SFMBT2: variants seen among roughly 807,000 people sequenced by gnomAD.
SFMBT2 encodes Scm like with four mbt domains 2, also known as scm-like with four MBT domains protein 2.
Under a neutral mutation model 110.1 loss-of-function variants are expected in SFMBT2, and 38 were observed. That is an observed-to-expected ratio of 0.35 (90% CI 0.27 to 0.45). The LOEUF (loss-of-function observed/expected upper bound fraction) is 0.45. Among genes scored for constraint, SFMBT2 ranks in the 20% least tolerant of loss-of-function variants. SFMBT2 has a pLI of 1.00. For synonymous variants in SFMBT2, 425 were observed against 425.4 expected, an observed-to-expected ratio of 1.00 and a Z score of 0.01; for missense variants, 1,011 against 1,094.9, an observed-to-expected ratio of 0.92 and a Z score of 1.08.
intron 4 of SFMBT2, among the ~76,000 whole-genome samples, chr10:7,345,236 T>C (rs990528869): frequency 6.6e-6 from 1 of 152,170 alleles, no homozygotes; most frequent in Non-Finnish European, 1.5e-5. Context: ...TCCCAGACCT[T>C]GTAGCTTCAA....
chr10:7,198,209 T>G, intron 14 of SFMBT2: 4 of 928,848 alleles, frequency 4.3e-6, no homozygotes, highest in Non-Finnish European at 5.1e-6. Context: ...CTGAGATATA[T>G]CCAAGTTGGT....
intron 4 of SFMBT2, among the ~76,000 whole-genome samples, chr10:7,351,834 G>A (rs534081907): frequency 6.6e-6 from 1 of 151,296 alleles, no homozygotes; most frequent in East Asian, 1.9e-4. Context: ...CCACTCATAC[G>A]GCCCTTTGTC....
chr10:7,304,335 C>T (rs1842634990), intron 4 of SFMBT2, among the ~76,000 whole-genome samples: 1 of 152,186 alleles, frequency 6.6e-6, no homozygotes, highest in Non-Finnish European at 1.5e-5. Flanking sequence ...TACCTTTGTT[C>T]CCCTTTGACT....
Position 7,249,031 on chromosome 10 carries a change from C to T in SFMBT2, c.871-382G>A, listed in dbSNP as rs1840714032. 42 of 859,734 alleles carry T rather than the reference C, an allele frequency of 4.9e-5. No individual in the cohort carries two copies. In the South Asian group the frequency reaches 1.8e-3, roughly 37 times the overall value. The allele number at this position is 859,734 out of a possible 1,614,324, so 53.3% of individuals were successfully genotyped here. A position where few individuals can be genotyped will look rare whatever the true frequency, so the allele number is the denominator to read the frequency against. Reference sequence around the variant, plus strand: ...AGGTCTCTTGCTACTGGAGTCACATCTCAGGGCTTCAGTCAGCACCTTGTA... The same window carrying T: ...AGGTCTCTTGCTACTGGAGTCACATTTCAGGGCTTCAGTCAGCACCTTGTA... On this transcript the variant is annotated intron_variant, in intron 7 of 20. Transcript: ENST00000397167.
intron 4 of SFMBT2, among the ~76,000 whole-genome samples, chr10:7,288,007 T>C (rs540192868): frequency 6.6e-6 from 1 of 152,360 alleles, no homozygotes; most frequent in African/African-American, 2.4e-5. Flanking sequence ...CACCAACCAA[T>C]TAATATTAGC....
chr10:7,177,432 C>T (rs1014403841), intron 16 of SFMBT2, among the ~76,000 whole-genome samples: 1 of 152,142 alleles, frequency 6.6e-6, no homozygotes, highest in African/African-American at 2.4e-5. Context: ...TGGATTGAAC[C>T]ATGTCCCTCC....
intron 4 of SFMBT2, among the ~76,000 whole-genome samples, chr10:7,356,078 G>A (rs541618933): frequency 6.6e-6 from 1 of 152,184 alleles, no homozygotes; most frequent in Non-Finnish European, 1.5e-5. Context: ...AAGAGATGCA[G>A]AGAATTTCTC....
intron 20 of SFMBT2, among the ~76,000 whole-genome samples, chr10:7,168,053 A>T (rs914190264): frequency 2.9e-5 from 4 of 140,214 alleles, no homozygotes; most frequent in Admixed American, 7.4e-5. Flanking sequence ...GGGTTACAAG[A>T]GTAAAACTCC....
In SFMBT2 at chr10:7,370,829, G is replaced by C. The variant is rs562770534; in HGVS notation, c.101-454C>G. ...GTTATAAAGATAAAGCACTGACTCT[G>C]GCATCATTTTAAGGGGAAAAAGAGA... On this transcript the variant is annotated intron_variant, in intron 2 of 20. Transcript: ENST00000397167. The C allele has an allele frequency of 5.1e-6, 5 of 979,720 alleles. No individual in the cohort carries two copies. The African/African-American group carries it at 8.7e-5, about 17-fold the overall frequency. 60.7% of individuals were successfully genotyped at this position (979,720 alleles called of 1,614,324 possible).
At chr10:7,351,878 A>AT (rs200021511) in intron 4 of SFMBT2, among the ~76,000 whole-genome samples, 5,818 of 149,184 alleles carry the variant, frequency 0.039, 368 homozygotes, top group African/African-American at 0.14. Context: ...TGTAAAAAAA[A>AT]AAATATATAT....
intron 1 of SFMBT2, among the ~76,000 whole-genome samples, chr10:7,384,211 CAAAAAAAAAAAAAAAAAA>C (rs59239303): frequency 7.1e-5 from 2 of 27,976 alleles, no homozygotes; most frequent in African/African-American, 1.8e-4. Flanking sequence ...AACTCCATCT[CAAAAAAAAAAAAAAAAAA>C]AAAAAAAAAC....
At chr10:7,245,984 T>A (rs763816561) in intron 8 of SFMBT2, among the ~76,000 whole-genome samples, 1 of 152,206 alleles carries the variant, frequency 6.6e-6, no homozygotes, top group Non-Finnish European at 1.5e-5. Context: ...TTTAAAGAAA[T>A]ACATTTAATT....
intron 10 of SFMBT2, among the ~76,000 whole-genome samples, chr10:7,225,502 C>T (rs1839873832): frequency 6.6e-6 from 1 of 152,212 alleles, no homozygotes; most frequent in Non-Finnish European, 1.5e-5. Context: ...ACAATCCTAT[C>T]TATTACATAA....
chr10:7,202,876 C>T, intron 12 of SFMBT2: 1 of 985,362 alleles, frequency 1.0e-6, no homozygotes, highest in Non-Finnish European at 1.2e-6. Flanking sequence ...TGATTTTTTT[C>T]CAATAAAAAT....
At chr10:7,312,081 G>GT (rs1842872863) in intron 4 of SFMBT2, among the ~76,000 whole-genome samples, 1 of 152,128 alleles carries the variant, frequency 6.6e-6, no homozygotes, top group African/African-American at 2.4e-5. Context: ...CTGTCGTGGA[G>GT]TGGGGGGAGG....
At chr10:7,296,523 T>G (rs1026406498) in intron 4 of SFMBT2, among the ~76,000 whole-genome samples, 1 of 152,222 alleles carries the variant, frequency 6.6e-6, no homozygotes, top group African/African-American at 2.4e-5. Context: ...GCAAAAGAAC[T>G]TCCATTCAAA....
At chr10:7,188,934 G>A (rs1838509825) in intron 15 of SFMBT2, among the ~76,000 whole-genome samples, 1 of 152,160 alleles carries the variant, frequency 6.6e-6, no homozygotes, top group Non-Finnish European at 1.5e-5. Flanking sequence ...CAAAAAGCGT[G>A]GTAAAATACA....
Position 7,197,539 on chromosome 10 carries a change from G to C in SFMBT2, c.1698+9C>G. On this transcript the variant is annotated intron_variant, in intron 15 of 20. Transcript: ENST00000397167. ...AAAATAAGCCAAGGTGATTGTGCAC[G>C]GGCTTTACCTCTTTAAGAACCAGCA... The C allele has an allele frequency of 6.2e-7, 1 of 1,612,578 alleles. No individual in the cohort carries two copies. Among genetic ancestry groups the C allele is most frequent in the East Asian group, 2.2e-5 (1 of 44,850 alleles).
In SFMBT2 at chr10:7,227,870, G is replaced by A. The variant is rs752442914; in HGVS notation, c.1188C>T (p.Pro396=). ...HKQHGAQEAP[P]FCFRNTSFSR... is the part of the protein sequence containing the mutation. ...AGCTTCTTACATTTCGGAAGCAGAA[G>A]GGAGGGGCTTCCTGCGCCCCATGCT... Residue 396 remains proline (P), a synonymous_variant, in exon 10 of 21, where the codon CCC becomes CCT. Transcript: ENST00000397167. 2 of 1,609,502 alleles carry A rather than the reference G, an allele frequency of 1.2e-6. No homozygotes were observed. Among genetic ancestry groups the A allele is most frequent in the East Asian group, 4.5e-5 (2 of 44,738 alleles).
Sources: gnomAD v4.1 joint callset for allele counts (sites outside exome capture counted in the v4.1 genomes callset) on GRCh38, gnomAD v4.1.1 for gene constraint, MANE v1.5 for transcripts, NCBI Gene and HGNC (gene_info 2026-07-23, HGNC 2026-07-21) for gene names.